Variants in NIPSNAP2 observed in about 807,000 individuals in gnomAD.
The protein encoded by NIPSNAP2 is protein NipSnap homolog 2.
Under a neutral mutation model 48.4 loss-of-function variants are expected in NIPSNAP2, and 42 were observed. The ratio of observed to expected loss-of-function variants is 0.87; its 90% confidence interval spans 0.68 to 1.12. NIPSNAP2 has a LOEUF of 1.12. Ranked by LOEUF, NIPSNAP2 falls within the 50% of genes most tolerant of loss-of-function variation. The pLI is 0.00. For missense variants in NIPSNAP2, 314 were observed against 347.3 expected, an observed-to-expected ratio of 0.90 and a Z score of 0.76; for synonymous variants, 158 against 126.6, an observed-to-expected ratio of 1.25 and a Z score of -1.67.
At chr7:55,981,330 CACA>C (rs1670746590) in intron 3 of NIPSNAP2, 140 bp from the exon 4 acceptor site, 2 of 608,986 alleles carry the variant, frequency 3.3e-6, no homozygotes, top group Non-Finnish European at 6.0e-6. Context: ...AGGTTAACTC[CACA>C]TGCCGTTTTA....
chr7:55,997,865 T>C (rs1016795637), intron 9 of NIPSNAP2, among the ~76,000 whole-genome samples: 1 of 152,226 alleles, frequency 6.6e-6, no homozygotes, highest in African/African-American at 2.4e-5. Context: ...AAATTAAACT[T>C]CCTGTATGTA....
chr7:55,993,927 G>GAA (rs56908796), intron 7 of NIPSNAP2, among the ~76,000 whole-genome samples: 2 of 139,100 alleles, frequency 1.4e-5, no homozygotes, highest in Middle Eastern at 3.7e-3. Flanking sequence ...TAGTAGGAAA[G>GAA]AAAAAAAAAA....
chr7:55,974,760 A>G (rs1787075834), intron 1 of NIPSNAP2, among the ~76,000 whole-genome samples: 1 of 150,832 alleles, frequency 6.6e-6, no homozygotes, highest in African/African-American at 2.4e-5. Flanking sequence ...AGGCAGGAGA[A>G]TGGCGTGAAC....
At chr7:55,997,113 C>T (rs1351512582) in intron 8 of NIPSNAP2, among the ~76,000 whole-genome samples, 3 of 150,660 alleles carry the variant, frequency 2.0e-5, no homozygotes, top group Middle Eastern at 3.2e-3. Context: ...GAAACATCAT[C>T]GTGCCATTGC....
chr7:55,989,461 C>CA (rs1291925983), intron 7 of NIPSNAP2, among the ~76,000 whole-genome samples: 5 of 151,830 alleles, frequency 3.3e-5, no homozygotes, highest in African/African-American at 4.8e-5. Context: ...CTCATCTCTA[C>CA]AAAAAATACT....
intron 7 of NIPSNAP2, among the ~76,000 whole-genome samples, chr7:55,985,770 G>A (rs938112949): frequency 1.3e-5 from 2 of 149,542 alleles, no homozygotes; most frequent in African/African-American, 2.5e-5. Context: ...AAAAAAGTCC[G>A]GGCATGTTGG....
intron 3 of NIPSNAP2, chr7:55,979,972 A>G (rs1179392570): frequency 2.4e-6 from 1 of 408,730 alleles, no homozygotes; most frequent in Non-Finnish European, 4.9e-6. Context: ...GTGTTGGTGA[A>G]AAACCTGGGC....
rs190199338 is a variant in NIPSNAP2, at chr7:55,976,907, A to G, written c.93-1219A>G. Among the ~76,000 whole-genome samples the G allele has an allele frequency of 3.3e-4, 47 of 144,444 alleles. 2 individuals are homozygous for G. The highest frequency in any genetic ancestry group is 1.2e-3 in the African/African-American group (46 of 37,230). 94.8% of individuals were successfully genotyped at this position (144,444 alleles called of 152,430 possible). A position where few individuals can be genotyped will look rare whatever the true frequency, so the allele number is the denominator to read the frequency against. On this transcript the variant is annotated intron_variant, in intron 1 of 9. Coordinates refer to ENST00000322090, the MANE Select transcript of NIPSNAP2 (RefSeq NM_001483.3). ...AAGACCCAGTCTCAAAAAAAGAAAGAAAAAATCCATGAGTAAAGTATAGTT... is the reference window on the plus strand; with the variant it reads ...AAGACCCAGTCTCAAAAAAAGAAAGGAAAAATCCATGAGTAAAGTATAGTT...
chr7:55,980,694 T>C (rs1787195983), intron 3 of NIPSNAP2: 1 of 152,220 alleles, frequency 6.6e-6, no homozygotes, highest in African/African-American at 2.4e-5. Context: ...GACACCCCTG[T>C]TAAATTCATA....
intron 7 of NIPSNAP2, among the ~76,000 whole-genome samples, chr7:55,990,554 T>TG (rs898890813): frequency 6.6e-6 from 1 of 151,964 alleles, no homozygotes; most frequent in Non-Finnish European, 1.5e-5. Flanking sequence ...TAGGGGGAGA[T>TG]GTGTGTGTTT....
At chr7:55,974,097 C>A (rs899403139) in intron 1 of NIPSNAP2, among the ~76,000 whole-genome samples, 1 of 151,942 alleles carries the variant, frequency 6.6e-6, no homozygotes, top group Non-Finnish European at 1.5e-5. Context: ...TGGTGGCATG[C>A]ACCTGTAGTC....
intron 1 of NIPSNAP2, among the ~76,000 whole-genome samples, chr7:55,975,375 T>C (rs1396268317): frequency 6.6e-6 from 1 of 151,826 alleles, no homozygotes. Context: ...AGAACAAAAG[T>C]ATAAAGGGTA....
At chr7:55,984,974 C>A in intron 7 of NIPSNAP2, 96 bp downstream of exon 7, 1 of 922,198 alleles carries the variant, frequency 1.1e-6, no homozygotes, top group South Asian at 1.4e-5. Flanking sequence ...GAGGATAGTA[C>A]TGTGACTTAA....
rs555705572 is a variant in NIPSNAP2, at chr7:55,984,649, G to A, written c.586-198G>A. Among the ~76,000 whole-genome samples, 6 of 151,546 alleles carry A rather than the reference G, an allele frequency of 4.0e-5. No homozygotes were observed. In the South Asian group the frequency reaches 1.3e-3, roughly 32 times the overall value. On this transcript the variant is annotated intron_variant, in intron 6 of 9. Transcript: ENST00000322090. ...CAGGAGAATTGCTTGAACCCAGGAG[G>A]CGGAGGTTTCAGGAGCTGAGATTGA...
At chr7:55,980,505 C>A (rs1045936225) in intron 3 of NIPSNAP2, 29 of 152,114 alleles carry the variant, frequency 1.9e-4, no homozygotes, top group African/African-American at 7.0e-4. Context: ...GCCCTTGATC[C>A]CCTTTTGCAT....
intron 7 of NIPSNAP2, among the ~76,000 whole-genome samples, chr7:55,990,453 G>A (rs536221866): frequency 3.3e-5 from 5 of 152,030 alleles, no homozygotes; most frequent in Admixed American, 2.0e-4. Flanking sequence ...GGATGGCCTC[G>A]ATCTCCTGAC....
intron 1 of NIPSNAP2, among the ~76,000 whole-genome samples, chr7:55,968,466 A>G (rs1465474195): frequency 2.0e-5 from 3 of 150,606 alleles, no homozygotes; most frequent in Non-Finnish European, 4.4e-5. Flanking sequence ...GCTCGCTGCA[A>G]CCTCTGCCTC....
At chr7:55,972,486 G>A (rs1422556677) in intron 1 of NIPSNAP2, among the ~76,000 whole-genome samples, 4 of 147,174 alleles carry the variant, frequency 2.7e-5, no homozygotes, top group Admixed American at 1.4e-4. Flanking sequence ...AGGCTGGAGT[G>A]TAGTGGCGTG....
chr7:55,980,086 G>A (rs912142577), intron 3 of NIPSNAP2: 1 of 216,666 alleles, frequency 4.6e-6, no homozygotes, highest in African/African-American at 2.2e-5. Flanking sequence ...CTCATGTCAT[G>A]CGACGAAAAG....
Sources: gnomAD v4.1 joint callset for allele counts (sites outside exome capture counted in the v4.1 genomes callset) on GRCh38, gnomAD v4.1.1 for gene constraint, MANE v1.5 for transcripts, NCBI Gene and HGNC (gene_info 2026-07-23, HGNC 2026-07-21) for gene names.